Variants in PDCD1 observed in about 807,000 individuals in gnomAD.
PDCD1 encodes programmed cell death 1.
PDCD1 carries 10 observed loss-of-function variants against 23.6 expected under a neutral mutation model. The ratio of observed to expected loss-of-function variants is 0.42; its 90% CI spans 0.26 to 0.72. The LOEUF (loss-of-function observed/expected upper bound fraction) is 0.72. Among genes scored for constraint, PDCD1 ranks in the 30% least tolerant of loss-of-function variants. The probability of loss-of-function intolerance (pLI) is 0.24; values close to 1 mark genes in which losing one functional copy is unlikely to be tolerated. For missense variants in PDCD1, 313 were observed against 397.8 expected, an observed-to-expected ratio of 0.79 and a Z score of 1.81; for synonymous variants, 168 against 169.3, an observed-to-expected ratio of 0.99 and a Z score of 0.06.
intron 1 of PDCD1, 87 bp from the exon 2 acceptor site, chr2:241,853,067 G>T: frequency 6.9e-7 from 1 of 1,445,606 alleles, no homozygotes; most frequent in Non-Finnish European, 9.2e-7. Flanking sequence ...GGCAGCAAGG[G>T]CTCTGGAAGG....
Position 241,851,942 on chromosome 2 carries a change from G to A in PDCD1, c.627+7C>T. ...AGTGGATCATGCAGGAAAAGAGTGAGACTCACCAGGGGCTGGCCGGTGCGC... is the reference window on the plus strand; with the variant it reads ...AGTGGATCATGCAGGAAAAGAGTGAAACTCACCAGGGGCTGGCCGGTGCGC... On this transcript the variant is annotated splice_region_variant and intron_variant, in intron 4 of 4. Coordinates refer to ENST00000334409, the MANE Select transcript of PDCD1 (RefSeq NM_005018.3). The A allele has an allele frequency of 6.2e-7, 1 of 1,613,562 alleles. No individual in the cohort carries two copies. The highest frequency in any genetic ancestry group is 8.5e-7 in the Non-Finnish European group (1 of 1,179,684).
Position 241,856,184 on chromosome 2 carries a change from C to T in PDCD1, c.76+2579G>A, listed in dbSNP as rs541505399. Among the ~76,000 whole-genome samples the T allele has an allele frequency of 5.3e-5, 8 of 152,300 alleles. No individual in the cohort carries two copies. The East Asian group carries it at 5.8e-4, about 11-fold the overall frequency. ...ACAGGGAGCCGACCCTGTGGCCCCT[C>T]GGTCCTGCATGTCCAGCCCCCCACG... On this transcript the variant is annotated intron_variant, in intron 1 of 4. Transcript: ENST00000334409.
chr2:241,858,770 C>T lies in PDCD1; in HGVS notation c.69G>A (p.Trp23Ter). 2.5e-6 allele frequency: 4 copies of T among 1,591,010 alleles called. No individual in the cohort carries two copies. Among genetic ancestry groups the T allele is most frequent in the Non-Finnish European group, 3.4e-6 (4 of 1,169,374 alleles). ...ACCGCCGACCCCACCTACCTAAGAA[C>T]CATCCTGGCCGCCAGCCCAGTTGTA... The part of the protein sequence containing the change: ...AVLQLGWRPG[W>*]FLDSPDRPWN... Residue 23 changes from tryptophan (W) to a stop codon, truncating the protein, a stop_gained, in exon 1 of 5, where the codon TGG becomes TGA. Coordinates refer to ENST00000334409, the MANE Select transcript of PDCD1 (RefSeq NM_005018.3). LOFTEE classifies it high-confidence loss of function.
chr2:241,852,223 G>C lies in PDCD1; in HGVS notation c.567C>G (p.Ala189=), dbSNP rs764125429. 40 of 1,610,378 alleles carry C rather than the reference G, an allele frequency of 2.5e-5. No individual in the cohort carries two copies. In the Admixed American group the frequency reaches 6.2e-4, roughly 25 times the overall value. ...CTCGTGCGGCCCGGGAGCAGATGACGGCCAGGACCCAGACTAGCAGCACCA... is the reference window on the plus strand; with the variant it reads ...CTCGTGCGGCCCGGGAGCAGATGACCGCCAGGACCCAGACTAGCAGCACCA... ...GSLVLLVWVL[A]VICSRAARGT... The change falls in exon 3 of 5, where the codon GCC becomes GCG. Residue 189 remains alanine (A), a synonymous_variant. Coordinates refer to ENST00000334409, the MANE Select transcript of PDCD1 (RefSeq NM_005018.3).
rs1700895627 is a variant in PDCD1 at position 241,851,207 on chromosome 2, G to C, written c.718C>G (p.Pro240Ala). The C allele has an allele frequency of 1.2e-6, 2 of 1,613,616 alleles. No individual in the cohort carries two copies. Among genetic ancestry groups the C allele is most frequent in the Non-Finnish European group, 1.7e-6 (2 of 1,179,916 alleles). Residue 240 changes from proline to alanine, a missense_variant, in exon 5 of 5, where the codon CCC becomes GCC. Coordinates refer to ENST00000334409, the MANE Select transcript of PDCD1 (RefSeq NM_005018.3). ...WREKTPEPPV[P>A]CVPEQTEYAT... is the part of the protein sequence containing the mutation. ...TACTCCGTCTGCTCAGGGACACAGGGCACGGGGGGCTCCGGGGTCTTCTCT... is the reference window on the plus strand; with the variant it reads ...TACTCCGTCTGCTCAGGGACACAGGCCACGGGGGGCTCCGGGGTCTTCTCT...
At chr2:241,856,073 C>A (rs1407899512) in intron 1 of PDCD1, among the ~76,000 whole-genome samples, 1 of 152,176 alleles carries the variant, frequency 6.6e-6, no homozygotes, top group East Asian at 1.9e-4. Flanking sequence ...AAGGCAGAGC[C>A]TGGGGGATGC....
intron 1 of PDCD1, 129 bp downstream of exon 1, chr2:241,858,634 C>T: frequency 1.3e-6 from 1 of 779,018 alleles, no homozygotes; most frequent in Non-Finnish European, 2.2e-6. Context: ...CCTCCAGACC[C>T]CTCGCTCCGG....
chr2:241,852,790 G>A lies in PDCD1; in HGVS notation c.267C>T (p.Pro89=), dbSNP rs769576749. The A allele has an allele frequency of 4.4e-5, 71 of 1,613,662 alleles. No individual in the cohort carries two copies. The highest frequency in any genetic ancestry group is 5.7e-5 in the Non-Finnish European group (67 of 1,180,012). Residue 89 remains proline, a synonymous_variant, in exon 2 of 5, where the codon CCC becomes CCT. Transcript: ENST00000334409. ...TGACACGGAAGCGGCAGTCCTGGCC[G>A]GGCTGGCTGCGGTCCTCGGGGAAGG... is the stretch of plus-strand genomic sequence containing the variant. The part of the protein sequence containing the change: ...LAAFPEDRSQ[P]GQDCRFRVTQ...
intron 2 of PDCD1, 89 bp downstream of exon 2, chr2:241,852,532 A>C: frequency 6.7e-7 from 1 of 1,486,310 alleles, no homozygotes; most frequent in Non-Finnish European, 9.1e-7. Flanking sequence ...CTGCCCTACG[A>C]CCCTGGAGCT....
At chr2:241,852,095 G>A in intron 3 of PDCD1, 103 bp downstream of exon 3, 1 of 1,441,626 alleles carries the variant, frequency 6.9e-7, no homozygotes, top group Non-Finnish European at 9.4e-7. Flanking sequence ...GGAGATGGGG[G>A]GAGGTGGGGT....
Position 241,858,853 on chromosome 2 carries a change from C to T in PDCD1, c.-15G>A. ...GGGATCTGCATGCCTGGAGCAGCCCCACCAGAGTGCCGCCTTCTCCACTGC... is the reference window on the plus strand; with the variant it reads ...GGGATCTGCATGCCTGGAGCAGCCCTACCAGAGTGCCGCCTTCTCCACTGC... On this transcript the variant is annotated 5_prime_UTR_variant, in exon 1 of 5. Coordinates refer to ENST00000334409, the MANE Select transcript of PDCD1 (RefSeq NM_005018.3). The T allele has an allele frequency of 6.4e-7, 1 of 1,561,050 alleles. No individual in the cohort carries two copies. The highest frequency in any genetic ancestry group is 8.7e-7 in the Non-Finnish European group (1 of 1,152,108).
intron 1 of PDCD1, among the ~76,000 whole-genome samples, chr2:241,857,364 G>A (rs1178255519): frequency 1.3e-5 from 2 of 152,194 alleles, no homozygotes; most frequent in African/African-American, 2.4e-5. Flanking sequence ...CCTGAGGCAC[G>A]AGTGTCAGGC....
intron 4 of PDCD1, among the ~76,000 whole-genome samples, chr2:241,851,622 C>T (rs1700904230): frequency 6.6e-6 from 1 of 152,192 alleles, no homozygotes; most frequent in Non-Finnish European, 1.5e-5. Context: ...CACGCATGGG[C>T]CGGGCACACC....
At chr2:241,858,684 C>G in intron 1 of PDCD1, 79 bp downstream of exon 1, 1 of 1,304,282 alleles carries the variant, frequency 7.7e-7, no homozygotes, top group Non-Finnish European at 1.1e-6. Context: ...CTCAGCACCC[C>G]CCGACCTGCC....
At chr2:241,856,256 G>A (rs1701024667) in intron 1 of PDCD1, among the ~76,000 whole-genome samples, 1 of 151,982 alleles carries the variant, frequency 6.6e-6, no homozygotes, top group Non-Finnish European at 1.5e-5. Flanking sequence ...GAGAGGCTGA[G>A]CAGAGCCCCT....
intron 1 of PDCD1, among the ~76,000 whole-genome samples, chr2:241,854,084 C>T (rs1295380181): frequency 1.3e-5 from 2 of 152,106 alleles, no homozygotes; most frequent in Non-Finnish European, 2.9e-5. Flanking sequence ...TGGCCCACGG[C>T]GTGCTGGCTG....
At chr2:241,851,368 C>T in intron 4 of PDCD1, 71 bp from the exon 5 acceptor site, 1 of 1,515,542 alleles carries the variant, frequency 6.6e-7, no homozygotes, top group Non-Finnish European at 8.9e-7. Context: ...GCTCCACAGC[C>T]TGGCTGCAGT....
At chr2:241,851,866 G>C in intron 4 of PDCD1, 83 bp downstream of exon 4, 3 of 1,314,802 alleles carry the variant, frequency 2.3e-6, no homozygotes, top group Admixed American at 1.7e-5. Context: ...CCTGCAGGCC[G>C]TGTGGTCCCA....
rs552039689 is a variant in PDCD1 at position 241,853,384 on chromosome 2, T to G, written c.77-404A>C. On this transcript the variant is annotated intron_variant, in intron 1 of 4. Coordinates refer to ENST00000334409, the MANE Select transcript of PDCD1 (RefSeq NM_005018.3). ...GGGGAGTGTAACTGGTCTGGGTGGG[T>G]GGGGGGCTGCCCATGGAGACCCCAG... Among the ~76,000 whole-genome samples the G allele has an allele frequency of 2.0e-4, 30 of 152,266 alleles. 1 individual carries two copies. In the South Asian group the frequency reaches 6.2e-3, roughly 32 times the overall value.
Sources: allele counts gnomAD v4.1 joint callset (sites outside exome capture counted in the v4.1 genomes callset), GRCh38; gene constraint gnomAD v4.1.1; transcripts MANE v1.5; gene names NCBI Gene and HGNC (gene_info 2026-07-23, HGNC 2026-07-21).